The following TNFRSF10C variants were observed in gnomAD, a reference collection of about 807,000 sequenced individuals.
The protein encoded by TNFRSF10C is TNF receptor superfamily member 10c.
TNFRSF10C carries 17 observed loss-of-function variants against 16.7 expected under a neutral mutation model. The ratio of observed to expected loss-of-function variants is 1.02; its 90% CI spans 0.70 to 1.53. The LOEUF (loss-of-function observed/expected upper bound fraction) is 1.53, where lower values mean the gene tolerates loss of function less well. Among genes scored for constraint, TNFRSF10C ranks in the 40% most tolerant of loss-of-function variants. The probability of loss-of-function intolerance (pLI) is 0.00; values close to 1 mark genes in which losing one functional copy is unlikely to be tolerated. For synonymous variants in TNFRSF10C, 73 were observed against 119.7 expected (o/e 0.61, Z 2.55); for missense variants, 237 against 329.7 (o/e 0.72, Z 2.18).
At chr8:23,109,106 T>A (rs1813831175) in intron 1 of TNFRSF10C, among the ~76,000 whole-genome samples, 1 of 152,178 alleles carries the variant, frequency 6.6e-6, no homozygotes, top group African/African-American at 2.4e-5. Context: ...TATACAGCTT[T>A]CAATGTTTGT....
Position 23,115,553 on chromosome 8 carries a change from G to A in TNFRSF10C, c.326G>A (p.Cys109Tyr), listed in dbSNP as rs943517397. ...TGCACCATGACCAGAGACACAGTGTGTCAGTGTAAAGAAGGCACCTTCCGG... is the reference window on the plus strand; with the variant it reads ...TGCACCATGACCAGAGACACAGTGTATCAGTGTAAAGAAGGCACCTTCCGG... ...SSCTMTRDTVCQCKEGTFRNE... is the reference protein window; with the variant it reads ...SSCTMTRDTVYQCKEGTFRNE... The change falls in exon 4 of 5, where the codon TGT becomes TAT. Residue 109 changes from cysteine to tyrosine, a missense_variant. Coordinates refer to ENST00000356864, the MANE Select transcript of TNFRSF10C (RefSeq NM_003841.5). 10 of 1,613,448 alleles carry A rather than the reference G, an allele frequency of 6.2e-6. No homozygotes were observed. The highest frequency in any genetic ancestry group is 8.5e-6 in the Non-Finnish European group (10 of 1,179,714).
rs917606431 is a variant in TNFRSF10C, at chr8:23,117,272, C to T, written c.*241C>T. ...GACCCTGGTCTCATCAGTCCCTCTC[C>T]TGGAGCTGGGGGTCCACACATCTCC... On this transcript the variant is annotated 3_prime_UTR_variant, in exon 5 of 5. Transcript: ENST00000356864. 4.9e-6 allele frequency: 3 copies of T among 615,602 alleles called. No individual in the cohort carries two copies. Among genetic ancestry groups the T allele is most frequent in the Non-Finnish European group, 8.2e-6 (3 of 363,942 alleles). 38.1% of individuals were successfully genotyped at this position (615,602 alleles called of 1,614,324 possible).
At chr8:23,111,331 C>T (rs1813874130) in intron 1 of TNFRSF10C, among the ~76,000 whole-genome samples, 1 of 151,966 alleles carries the variant, frequency 6.6e-6, no homozygotes, top group Non-Finnish European at 1.5e-5. Flanking sequence ...ATTCTCCTGC[C>T]TCAGCCTCCT....
At position 23,111,784 on chromosome 8, in the gene TNFRSF10C, A is replaced by G; in HGVS notation, c.125A>G (p.Gln42Arg). Residue 42 changes from glutamine (Q) to arginine (R), a missense_variant, in exon 2 of 5, where the codon CAG (glutamine) becomes CGG (arginine). Around this residue, in one of 2 missense-constraint regions of TNFRSF10C, gnomAD observed 212 missense variants for 196.8 expected, o/e 1.08. Coordinates refer to ENST00000356864, the MANE Select transcript of TNFRSF10C (RefSeq NM_003841.5). ...GTTCCCCAGCAGACAGTGGCCCCAC[A>G]GCAACAGAGGCACAGCTTCAAGGGG... ...EEVPQQTVAP[Q>R]QQRHSFKGEE... 6.2e-7 allele frequency: 1 copy of G among 1,614,182 alleles called. No homozygotes were observed. Among genetic ancestry groups the G allele is most frequent in the East Asian group, 2.2e-5 (1 of 44,880 alleles).
rs76324416 is a variant in TNFRSF10C, at chr8:23,116,765, C to T, written c.514C>T (p.Pro172Ser). 2.0e-4 allele frequency: 316 copies of T among 1,579,142 alleles called. 2 individuals are homozygous for T. The highest frequency in any genetic ancestry group is 2.2e-4 in the African/African-American group (16 of 74,230). ...PAAEETMNTSPGTPAPAAEET... is the reference protein window; with the variant it reads ...PAAEETMNTSSGTPAPAAEET... ...TGCTGAAGAGACAATGAACACCAGC[C>T]CGGGGACTCCTGCCCCAGCTGCTGA... Residue 172 changes from proline (P) to serine (S), a missense_variant, in exon 5 of 5, where the codon CCG (proline) becomes TCG (serine). By Grantham distance (74) the Pro-to-Ser change is moderately conservative. Coordinates refer to ENST00000356864, the MANE Select transcript of TNFRSF10C (RefSeq NM_003841.5).
At chr8:23,113,708 C>T (rs901699435) in intron 2 of TNFRSF10C, among the ~76,000 whole-genome samples, 21 of 152,142 alleles carry the variant, frequency 1.4e-4, no homozygotes, top group African/African-American at 4.3e-4. Flanking sequence ...TTTTGTAACA[C>T]GTTTTAAAAT....
At chr8:23,116,313 C>T (rs1375847536) in intron 4 of TNFRSF10C, among the ~76,000 whole-genome samples, 1 of 152,230 alleles carries the variant, frequency 6.6e-6, no homozygotes, top group Non-Finnish European at 1.5e-5. Context: ...GGAAGGGGCT[C>T]AGCTTGTGGC....
intron 3 of TNFRSF10C, among the ~76,000 whole-genome samples, chr8:23,115,125 AG>A (rs1185733675): frequency 6.6e-6 from 1 of 151,944 alleles, no homozygotes. Context: ...GGCCTCACTC[AG>A]CCTTCAGGTT....
chr8:23,105,016 T>C (rs1813749647), intron 1 of TNFRSF10C, among the ~76,000 whole-genome samples: 1 of 152,210 alleles, frequency 6.6e-6, no homozygotes, highest in Non-Finnish European at 1.5e-5. Context: ...CCCCAGGTCC[T>C]GGCTCTGTCA....
intron 1 of TNFRSF10C, among the ~76,000 whole-genome samples, chr8:23,110,034 G>A (rs10113463): frequency 0.11 from 13,043 of 118,146 alleles, 960 homozygotes; most frequent in East Asian, 0.37. Context: ...TGCACTCTGC[G>A]CTCCAACATG....
chr8:23,104,969 G>A (rs1813748703), intron 1 of TNFRSF10C, among the ~76,000 whole-genome samples: 1 of 152,164 alleles, frequency 6.6e-6, no homozygotes, highest in African/African-American at 2.4e-5. Flanking sequence ...CTGTCAGGGT[G>A]ACTTCAGATG....
At position 23,103,119 on chromosome 8, in the gene TNFRSF10C, A is replaced by G. The variant is rs779941521; in HGVS notation, c.-3A>G. 8 of 1,611,256 alleles carry G rather than the reference A, an allele frequency of 5.0e-6. No individual in the cohort carries two copies. The highest frequency in any genetic ancestry group is 4.4e-5 in the South Asian group (4 of 90,290). ...GACCCAGGACGGCGTCGGGAACCAT[A>G]CCATGGCCCGGATCCCCAAGACCCT... On this transcript the variant is annotated 5_prime_UTR_variant, in exon 1 of 5. It adds an upstream start codon to the 5' untranslated region. Coordinates refer to ENST00000356864, the MANE Select transcript of TNFRSF10C (RefSeq NM_003841.5).
chr8:23,107,393 T>G (rs1439728129), intron 1 of TNFRSF10C, among the ~76,000 whole-genome samples: 3 of 152,178 alleles, frequency 2.0e-5, no homozygotes, highest in African/African-American at 7.2e-5. Context: ...TGGGGTGTGG[T>G]GGACATGTCA....
At chr8:23,105,414 G>T (rs1813757656) in intron 1 of TNFRSF10C, among the ~76,000 whole-genome samples, 1 of 152,196 alleles carries the variant, frequency 6.6e-6, no homozygotes, top group African/African-American at 2.4e-5. Flanking sequence ...CCTGGTACTT[G>T]CTCCCTGAGC....
intron 1 of TNFRSF10C, among the ~76,000 whole-genome samples, chr8:23,110,596 A>T (rs558033673): frequency 6.6e-6 from 1 of 152,308 alleles, no homozygotes; most frequent in South Asian, 2.1e-4. Flanking sequence ...GTTGTCTTCT[A>T]GTTGTCATTT....
Position 23,117,095 on chromosome 8 carries a change from G to A in TNFRSF10C, c.*64G>A. On this transcript the variant is annotated 3_prime_UTR_variant, in exon 5 of 5. Transcript: ENST00000356864. ...AGGTTCAGGTAGGCGCTGGCTGAGGGCGGGGGGCGCTGGACACTCTCTGCC... is the reference window on the plus strand; with the variant it reads ...AGGTTCAGGTAGGCGCTGGCTGAGGACGGGGGGCGCTGGACACTCTCTGCC... 1 of 1,574,742 alleles carries A rather than the reference G, an allele frequency of 6.4e-7. No individual in the cohort carries two copies. The highest frequency in any genetic ancestry group is 8.6e-7 in the Non-Finnish European group (1 of 1,163,448).
intron 1 of TNFRSF10C, among the ~76,000 whole-genome samples, chr8:23,103,939 AAAAAAAG>A (rs1813719355): frequency 6.6e-6 from 1 of 152,144 alleles, no homozygotes; most frequent in African/African-American, 2.4e-5. Flanking sequence ...ATGTAATACA[AAAAAAAG>A]AAAAAAGAAA....
intron 2 of TNFRSF10C, among the ~76,000 whole-genome samples, chr8:23,112,977 G>A (rs1813908230): frequency 6.6e-6 from 1 of 150,744 alleles, no homozygotes. Flanking sequence ...ATCAACACTT[G>A]TTACCTTTTG....
Position 23,117,142 on chromosome 8 carries a change from C to A in TNFRSF10C, c.*111C>A. ...TGCCCTGCCTCCCTCTGCTGTGTTC[C>A]CACAGACAGAAACGCCTGCCCCTGC... On this transcript the variant is annotated 3_prime_UTR_variant, in exon 5 of 5. Coordinates refer to ENST00000356864, the MANE Select transcript of TNFRSF10C (RefSeq NM_003841.5). The A allele has an allele frequency of 6.7e-7, 1 of 1,486,942 alleles. No individual in the cohort carries two copies. The highest frequency in any genetic ancestry group is 9.0e-7 in the Non-Finnish European group (1 of 1,112,066). 92.1% of individuals were successfully genotyped at this position (1,486,942 alleles called of 1,614,324 possible).
Sources: allele counts gnomAD v4.1 joint callset (sites outside exome capture counted in the v4.1 genomes callset), GRCh38; gene constraint gnomAD v4.1.1; regional missense constraint gnomAD v4.1.1; transcripts MANE v1.5; gene names NCBI Gene and HGNC (gene_info 2026-07-23, HGNC 2026-07-21).